Variants in DNAH9 observed in about 807,000 individuals in gnomAD.
DNAH9 encodes the protein dynein axonemal heavy chain 9.
A neutral mutation model predicts 471.6 loss-of-function variants in DNAH9; 345 were observed. That is an observed-to-expected ratio of 0.73 (90% CI 0.67 to 0.80). The LOEUF (loss-of-function observed/expected upper bound fraction) is 0.80. Among genes scored for constraint, DNAH9 ranks in the 30% least tolerant of loss-of-function variants. DNAH9 has a pLI of 0.00. For synonymous variants in DNAH9, 2,093 were observed against 2,123.6 expected, an observed-to-expected ratio of 0.99 and a Z score of 0.40; for missense variants, 5,407 against 5,609.2, an observed-to-expected ratio of 0.96 and a Z score of 1.15.
At chr17:11,689,422 G>T in intron 19 of DNAH9, 144 bp from the exon 20 acceptor site, 5 of 706,588 alleles carry the variant, frequency 7.1e-6, no homozygotes, top group South Asian at 2.0e-5. Flanking sequence ...ATTTGCTTTC[G>T]TGAAAAGAAT....
In DNAH9 at chr17:11,769,248, A is replaced by G; in HGVS notation, c.7471A>G (p.Lys2491Glu). The G allele has an allele frequency of 6.2e-7, 1 of 1,614,056 alleles. No individual in the cohort carries two copies. The highest frequency in any genetic ancestry group is 2.2e-5 in the East Asian group (1 of 44,858). Residue 2491 changes from lysine to glutamate, a missense_variant, in exon 38 of 69, where the codon AAG (lysine) becomes GAG (glutamate). Physicochemically the swap from Lys to Glu is moderately conservative, Grantham distance 56. Coordinates refer to ENST00000262442, the MANE Select transcript of DNAH9 (RefSeq NM_001372.4). ...TGGCAAGTCGGTGCTGGTGGGAGCT[A>G]AGCTGGCCAGCCTTGACCCCGAGGC... ...GTGKSVLVGAKLASLDPEAYL... is the reference protein window; with the variant it reads ...GTGKSVLVGAELASLDPEAYL...
intron 38 of DNAH9, among the ~76,000 whole-genome samples, chr17:11,778,047 C>T (rs1039603103): frequency 4.0e-5 from 6 of 151,792 alleles, no homozygotes; most frequent in African/African-American, 9.7e-5. Context: ...AACTTTAGGG[C>T]GCGTACCAGG....
At chr17:11,705,265 C>G (rs888180180) in intron 26 of DNAH9, 80 bp downstream of exon 26, 1 of 1,247,370 alleles carries the variant, frequency 8.0e-7, no homozygotes, top group Non-Finnish European at 1.2e-6. Context: ...GTCAAAGTCC[C>G]TGTCACTTGC....
At chr17:11,812,340 G>A (rs1031687860) in intron 45 of DNAH9, among the ~76,000 whole-genome samples, 1 of 150,110 alleles carries the variant, frequency 6.7e-6, no homozygotes, top group Non-Finnish European at 1.5e-5. Context: ...TAGTTTATAA[G>A]GTCCAAGGAC....
chr17:11,614,083 G>A (rs1435348352), intron 4 of DNAH9, among the ~76,000 whole-genome samples: 1 of 152,148 alleles, frequency 6.6e-6, no homozygotes, highest in African/African-American at 2.4e-5. Flanking sequence ...CTTTAAATAT[G>A]AAACTCAGTG....
chr17:11,888,113 GCTGGGACTA>G (rs1463289678), intron 57 of DNAH9, among the ~76,000 whole-genome samples: 3 of 151,812 alleles, frequency 2.0e-5, no homozygotes, highest in Admixed American at 2.0e-4. Flanking sequence ...CTCCCGAGTA[GCTGGGACTA>G]CAGGTGCCCA....
chr17:11,680,365 T>C (rs1239357222), intron 18 of DNAH9, among the ~76,000 whole-genome samples: 1 of 152,186 alleles, frequency 6.6e-6, no homozygotes, highest in Non-Finnish European at 1.5e-5. Flanking sequence ...GTAGCTTCAG[T>C]AGAAATATGG....
chr17:11,762,770 G>GTTGTTGTTTTTTTTTT (rs1967746481), intron 35 of DNAH9, among the ~76,000 whole-genome samples: 1 of 90,794 alleles, frequency 1.1e-5, no homozygotes, highest in Non-Finnish European at 2.2e-5. Context: ...TTTTTTTTTT[G>GTTGTTGTTTTTTTTTT]TTTTTTTTTT....
At chr17:11,887,008 G>C (rs765049469) in intron 57 of DNAH9, 43 bp downstream of exon 57, 1 of 1,576,604 alleles carries the variant, frequency 6.3e-7, no homozygotes, top group Non-Finnish European at 8.6e-7. Context: ...TAATAAAGCA[G>C]TGTAATATTG....
At chr17:11,781,859 C>A (rs118097380) in intron 39 of DNAH9, among the ~76,000 whole-genome samples, 6,344 of 116,934 alleles carry the variant, frequency 0.054, 237 homozygotes, top group Non-Finnish European at 0.072. Context: ...AAAAAAAAAA[C>A]TACCAAACAC....
At chr17:11,680,331 A>G (rs1597470397) in intron 18 of DNAH9, among the ~76,000 whole-genome samples, 1 of 152,354 alleles carries the variant, frequency 6.6e-6, no homozygotes, top group East Asian at 1.9e-4. Flanking sequence ...ACCCTGAAGA[A>G]TATAGAAAAG....
chr17:11,839,788 A>G (rs1281525976), intron 49 of DNAH9, among the ~76,000 whole-genome samples: 2 of 152,222 alleles, frequency 1.3e-5, no homozygotes, highest in African/African-American at 2.4e-5. Flanking sequence ...ATGCATATAC[A>G]TAGTAAAATG....
chr17:11,852,494 G>A (rs1207212554), intron 49 of DNAH9, among the ~76,000 whole-genome samples: 4 of 152,012 alleles, frequency 2.6e-5, no homozygotes, highest in Non-Finnish European at 5.9e-5. Context: ...TCCAATCCAT[G>A]TCCAGTTTAT....
chr17:11,767,075 C>G (rs1967976967), intron 36 of DNAH9, among the ~76,000 whole-genome samples: 1 of 152,138 alleles, frequency 6.6e-6, no homozygotes, highest in Admixed American at 6.5e-5. Context: ...AAGGTGCGGT[C>G]AAGCACCAGC....
At chr17:11,793,698 GAAA>G in intron 42 of DNAH9, 34 bp downstream of exon 42, 2 of 1,122,898 alleles carry the variant, frequency 1.8e-6, no homozygotes, top group Non-Finnish European at 2.4e-6. Flanking sequence ...CTTTGTATTT[GAAA>G]AAAAAAAAGA....
At chr17:11,785,515 C>T (rs988933046) in intron 41 of DNAH9, among the ~76,000 whole-genome samples, 5 of 152,190 alleles carry the variant, frequency 3.3e-5, no homozygotes, top group East Asian at 3.9e-4. Flanking sequence ...GCCTGAACTC[C>T]TGATTGTAAG....
At chr17:11,899,278 T>G (rs1315487109) in intron 59 of DNAH9, among the ~76,000 whole-genome samples, 5 of 152,186 alleles carry the variant, frequency 3.3e-5, no homozygotes, top group African/African-American at 1.2e-4. Context: ...GAAATCTTTG[T>G]GATAAAATAC....
chr17:11,732,462 C>T (rs546207291), intron 28 of DNAH9, among the ~76,000 whole-genome samples: 27 of 152,004 alleles, frequency 1.8e-4, no homozygotes, highest in African/African-American at 6.5e-4. Context: ...GACAGTTCTC[C>T]ACCACCCTCC....
At chr17:11,731,202 G>A (rs2075263050) in intron 28 of DNAH9, among the ~76,000 whole-genome samples, 1 of 147,800 alleles carries the variant, frequency 6.8e-6, no homozygotes, top group African/African-American at 2.7e-5. Context: ...TGGTTATTAT[G>A]GTGAGAATGA....
Sources: gnomAD v4.1 joint callset for allele counts (sites outside exome capture counted in the v4.1 genomes callset) on GRCh38, gnomAD v4.1.1 for gene constraint, MANE v1.5 for transcripts, NCBI Gene and HGNC (gene_info 2026-07-23, HGNC 2026-07-21) for gene names.